Variants in RSPH9 observed in about 807,000 individuals in gnomAD.
RSPH9 encodes radial spoke head component 9, also known as radial spoke head protein 9 homolog.
Under a neutral mutation model 27.0 loss-of-function variants are expected in RSPH9, and 27 were observed. The ratio of observed to expected loss-of-function variants is 1.00; its 90% CI spans 0.74 to 1.38. The LOEUF (loss-of-function observed/expected upper bound fraction) is 1.38. Among genes scored for constraint, RSPH9 ranks in the 40% most tolerant of loss-of-function variants. RSPH9 has a pLI of 0.00. For missense variants in RSPH9, 347 were observed against 357.4 expected (o/e 0.97, Z 0.24); for synonymous variants, 145 against 147.7 (o/e 0.98, Z 0.13).
chr6:43,650,311 G>C, intron 1 of RSPH9, 64 bp from the exon 2 acceptor site: 2 of 1,586,912 alleles, frequency 1.3e-6, no homozygotes, highest in Non-Finnish European at 1.7e-6. Flanking sequence ...CAGAAGGGAA[G>C]ATAATAGGAA....
chr6:43,663,419 A>G (rs1772827718), intron 4 of RSPH9, among the ~76,000 whole-genome samples: 1 of 151,912 alleles, frequency 6.6e-6, no homozygotes, highest in Non-Finnish European at 1.5e-5. Flanking sequence ...GGGTTTCACC[A>G]TGTTGGCCAG....
chr6:43,646,035 ACCTCCG>A (rs1770823706), intron 1 of RSPH9, among the ~76,000 whole-genome samples: 1 of 151,814 alleles, frequency 6.6e-6, no homozygotes, highest in Non-Finnish European at 1.5e-5. Flanking sequence ...GTTCACTGCA[ACCTCCG>A]CCTCCCGGAT....
chr6:43,662,264 C>T (rs1772705651), intron 4 of RSPH9, among the ~76,000 whole-genome samples: 1 of 152,168 alleles, frequency 6.6e-6, no homozygotes, highest in African/African-American at 2.4e-5. Flanking sequence ...GAGTTAAGGC[C>T]TTGCTCTGTA....
chr6:43,666,292 GGCA>G (rs1773127190), intron 4 of RSPH9: 4 of 675,956 alleles, frequency 5.9e-6, no homozygotes, highest in Admixed American at 2.4e-5. Context: ...CTGCCAGGCA[GGCA>G]GCAGCTGGGC....
intron 3 of RSPH9, among the ~76,000 whole-genome samples, chr6:43,656,026 T>G (rs1253730048): frequency 2.3e-5 from 3 of 130,530 alleles, no homozygotes; most frequent in African/African-American, 1.1e-4. Flanking sequence ...CCTTCCTTCC[T>G]TCCTTCCTTC....
rs1460180508 is a variant in RSPH9, at chr6:43,671,343, T to C, written c.*394T>C. ...GGACCTGTTTGGCCCATGAATTCAATTGACTCATTGGCCCCATCACAAGAG... is the reference window on the plus strand; with the variant it reads ...GGACCTGTTTGGCCCATGAATTCAACTGACTCATTGGCCCCATCACAAGAG... On this transcript the variant is annotated 3_prime_UTR_variant, in exon 5 of 5. Transcript: ENST00000372163. 7.5e-6 allele frequency: 3 copies of C among 400,422 alleles called. No individual in the cohort carries two copies. Among genetic ancestry groups the C allele is most frequent in the South Asian group, 2.8e-5 (1 of 36,266 alleles). The allele number at this position is 400,422 out of a possible 1,614,324, so 24.8% of individuals were successfully genotyped here. A position where few individuals can be genotyped will look rare whatever the true frequency, so the allele number is the denominator to read the frequency against.
rs1773791419 is a variant in RSPH9 at position 43,672,484 on chromosome 6, C to T, written c.*1535C>T. Reference sequence around the variant, plus strand: ...GGGGTGGGGAAAGATGGCTGCCGCCCATGGACCTTTGGCCTCCTTTGGGGA... The same window carrying T: ...GGGGTGGGGAAAGATGGCTGCCGCCTATGGACCTTTGGCCTCCTTTGGGGA... On this transcript the variant is annotated 3_prime_UTR_variant, in exon 5 of 5. Coordinates refer to ENST00000372163, the MANE Select transcript of RSPH9 (RefSeq NM_152732.5). The T allele has an allele frequency of 2.1e-6, 1 of 468,302 alleles. No homozygotes were observed. The highest frequency in any genetic ancestry group is 2.4e-5 in the Admixed American group (1 of 42,476). 29.0% of individuals were successfully genotyped at this position (468,302 alleles called of 1,614,324 possible).
At position 43,655,708 on chromosome 6, in the gene RSPH9, C is replaced by T. The variant is rs767934910; in HGVS notation, c.523+17C>T. ...CCTTTGAAGGTGAGTTCTCTGGGGC[C>T]CCTCTCAAGGGCTGGGGGTATCTTT... is the stretch of plus-strand genomic sequence containing the variant. On this transcript the variant is annotated intron_variant, in intron 3 of 4. Transcript: ENST00000372163. 5 of 1,613,976 alleles carry T rather than the reference C, an allele frequency of 3.1e-6. No homozygotes were observed. The African/African-American group carries it at 4.0e-5, about 13-fold the overall frequency.
rs1185952024 is a variant in RSPH9, at chr6:43,671,757, C to G, written c.*808C>G. On this transcript the variant is annotated 3_prime_UTR_variant, in exon 5 of 5. Coordinates refer to ENST00000372163, the MANE Select transcript of RSPH9 (RefSeq NM_152732.5). ...CAGGAGGAACTCTGGAAGCACTGCTCTCTGTCAGTGATACAGCTTCCAAGG... is the reference window on the plus strand; with the variant it reads ...CAGGAGGAACTCTGGAAGCACTGCTGTCTGTCAGTGATACAGCTTCCAAGG... 1 of 1,614,078 alleles carries G rather than the reference C, an allele frequency of 6.2e-7. No individual in the cohort carries two copies. The highest frequency in any genetic ancestry group is 1.3e-5 in the African/African-American group (1 of 74,926).
chr6:43,656,520 AG>A (rs1772065046), intron 3 of RSPH9, 56 bp from the exon 4 acceptor site: 42 of 1,607,118 alleles, frequency 2.6e-5, no homozygotes, highest in Non-Finnish European at 3.6e-5. Context: ...GCAGACAGAA[AG>A]GGGGCTGGGG....
At chr6:43,652,566 C>T (rs1051634857) in intron 2 of RSPH9, among the ~76,000 whole-genome samples, 3 of 151,686 alleles carry the variant, frequency 2.0e-5, no homozygotes, top group East Asian at 2.0e-4. Context: ...GCTGGGATTA[C>T]AGGCACCTGG....
chr6:43,666,589 G>A, intron 4 of RSPH9: 7 of 1,021,978 alleles, frequency 6.8e-6, no homozygotes, highest in Non-Finnish European at 8.8e-6. Flanking sequence ...GAAGAGAGGA[G>A]TGGGAGAGCT....
rs763372831 is a variant in RSPH9, at chr6:43,671,894, G to A, written c.*945G>A. The A allele has an allele frequency of 3.1e-6, 5 of 1,610,280 alleles. No individual in the cohort carries two copies. In the South Asian group the frequency reaches 5.5e-5, roughly 18 times the overall value. On this transcript the variant is annotated 3_prime_UTR_variant, in exon 5 of 5. Coordinates refer to ENST00000372163, the MANE Select transcript of RSPH9 (RefSeq NM_152732.5). ...TGGGCTTGACGGAGCCAGGAGCCCA[G>A]CGCGTCAGGTACCTGTGGAGGGAGA...
At chr6:43,661,234 C>G (rs1185944143) in intron 4 of RSPH9, among the ~76,000 whole-genome samples, 1 of 152,098 alleles carries the variant, frequency 6.6e-6, no homozygotes, top group Non-Finnish European at 1.5e-5. Flanking sequence ...CTTAAGGGCC[C>G]TAGGATTTCC....
Position 43,670,868 on chromosome 6 carries a change from C to T in RSPH9, c.750C>T (p.Tyr250=). 1 of 1,614,244 alleles carries T rather than the reference C, an allele frequency of 6.2e-7. No individual in the cohort carries two copies. Among genetic ancestry groups the T allele is most frequent in the Non-Finnish European group, 8.5e-7 (1 of 1,180,044 alleles). Reference sequence around the variant, plus strand: ...TGCTCTGGCCGGGCCTCACCTTCTACCATGCTCCCCGCACCAAGAACTATG... The same window carrying T: ...TGCTCTGGCCGGGCCTCACCTTCTATCATGCTCCCCGCACCAAGAACTATG... The part of the protein sequence containing the change: ...RSLLWPGLTF[Y]HAPRTKNYGY... Residue 250 remains tyrosine, a synonymous_variant, in exon 5 of 5, where the codon TAC becomes TAT. Transcript: ENST00000372163.
Position 43,671,658 on chromosome 6 carries a change from C to T in RSPH9, c.*709C>T, listed in dbSNP as rs541626406. On this transcript the variant is annotated 3_prime_UTR_variant, in exon 5 of 5. Coordinates refer to ENST00000372163, the MANE Select transcript of RSPH9 (RefSeq NM_152732.5). ...ATGCATGTTGGAGGGACCAGGCCAT[C>T]GTGGTGGGGTGGGACAGGAGTATAG... The T allele has an allele frequency of 1.2e-4, 167 of 1,372,244 alleles. No homozygotes were observed. The East Asian group carries it at 1.7e-3, about 14-fold the overall frequency. The allele number at this position is 1,372,244 out of a possible 1,614,324, so 85.0% of individuals were successfully genotyped here.
chr6:43,652,284 C>T (rs866812610), intron 2 of RSPH9, among the ~76,000 whole-genome samples: 5 of 144,282 alleles, frequency 3.5e-5, no homozygotes, highest in South Asian at 2.2e-4. Context: ...CCAGCCTGGG[C>T]GACAGAGTGA....
intron 1 of RSPH9, 136 bp downstream of exon 1, chr6:43,645,461 A>G (rs1479331420): frequency 1.5e-6 from 1 of 664,598 alleles, no homozygotes; most frequent in African/African-American, 1.9e-5. Context: ...GATGAGTGGA[A>G]TGGGGGAGAC....
intron 1 of RSPH9, 86 bp from the exon 2 acceptor site, chr6:43,650,289 C>G (rs6915523): frequency 6.6e-7 from 1 of 1,521,686 alleles, no homozygotes; most frequent in East Asian, 2.3e-5. Context: ...TTCCTGGGCC[C>G]AACCCACTAG....
Sources: allele counts gnomAD v4.1 joint callset (sites outside exome capture counted in the v4.1 genomes callset), GRCh38; gene constraint gnomAD v4.1.1; transcripts MANE v1.5; gene names NCBI Gene and HGNC (gene_info 2026-07-23, HGNC 2026-07-21).